EHMT1: variants seen among roughly 807,000 people sequenced by gnomAD.
EHMT1 encodes the protein euchromatic histone lysine methyltransferase 1.
In EHMT1, 15 loss-of-function variants were observed where a neutral mutation model predicts 147.2. That is an observed-to-expected ratio of 0.10 (90% CI 0.07 to 0.16). The LOEUF is 0.16. EHMT1 is among the 10% of genes least tolerant of loss of function. The pLI is 1.00. For synonymous variants in EHMT1, 795 were observed against 709.6 expected (o/e 1.12, Z -1.91); for missense variants, 1,587 against 1,772.4 (o/e 0.90, Z 1.88).
intron 1 of EHMT1, 111 bp downstream of exon 1, chr9:137,619,160 GGCC>G (rs1218790928): frequency 4.8e-6 from 1 of 209,728 alleles, no homozygotes; most frequent in Non-Finnish European, 7.9e-6. Flanking sequence ...GGGCGGGCGG[GGCC>G]CCGGGTCCCC....
rs2133038655 is a variant in EHMT1 at position 137,828,549 on chromosome 9, C to T, written c.3541-5800C>T. Among the ~76,000 whole-genome samples, 1 of 151,350 alleles carries T rather than the reference C, an allele frequency of 6.6e-6. No homozygotes were observed. Among genetic ancestry groups the T allele is most frequent in the African/African-American group, 2.4e-5 (1 of 41,172 alleles). On this transcript the variant is annotated intron_variant, in intron 25 of 26. Coordinates refer to ENST00000460843, the MANE Select transcript of EHMT1 (RefSeq NM_024757.5). This position sits in a 1 kb window ranked among gnomAD's most constrained non-coding sequence, Gnocchi z 5.3. The stretch of plus-strand genomic sequence containing the variant: ...GGTCAGACTGAGAAAGGGGCTCGTC[C>T]TGAGAAGCCACAAAGTGTGCTCCTG...
chr9:137,673,753 T>C (rs1358287566), intron 1 of EHMT1, among the ~76,000 whole-genome samples: 2 of 152,246 alleles, frequency 1.3e-5, no homozygotes, highest in Non-Finnish European at 2.9e-5. Flanking sequence ...TTAAGGCCCG[T>C]CATTTCATGG....
At chr9:137,650,666 CTT>C (rs75230304) in intron 1 of EHMT1, among the ~76,000 whole-genome samples, 20 of 121,556 alleles carry the variant, frequency 1.6e-4, no homozygotes, top group South Asian at 2.7e-4. Flanking sequence ...GGACCCCCCG[CTT>C]TTTTTTTTTT....
chr9:137,686,989 A>G (rs1942508238), intron 1 of EHMT1, among the ~76,000 whole-genome samples: 1 of 152,072 alleles, frequency 6.6e-6, no homozygotes. Flanking sequence ...TCGGCCTCCC[A>G]AAGTGCTGGA....
chr9:137,746,602 A>G (rs1449786218), intron 6 of EHMT1: 2 of 152,242 alleles, frequency 1.3e-5, no homozygotes, highest in South Asian at 2.1e-4. Context: ...TTTGATTCAT[A>G]TAGAATTAAA....
chr9:137,715,455 G>A (rs1945123551), intron 2 of EHMT1: 1 of 839,188 alleles, frequency 1.2e-6, no homozygotes, highest in Non-Finnish European at 1.4e-6. Flanking sequence ...ACGTCCTCGG[G>A]TGGAAGGACA....
chr9:137,689,731 A>G (rs1942773147), intron 1 of EHMT1, among the ~76,000 whole-genome samples: 1 of 152,146 alleles, frequency 6.6e-6, no homozygotes, highest in African/African-American at 2.4e-5. Context: ...CACATAACAG[A>G]TGTACACATT....
At position 137,728,382 on chromosome 9, in the gene EHMT1, G is replaced by A. The variant is rs1554852591; in HGVS notation, c.676G>A (p.Glu226Lys). ...CAGTAAAGATCCCAGAGAAGTTCGAGAAGCTAGAGATCATAAGGAACCAAA... is the reference window on the plus strand; with the variant it reads ...CAGTAAAGATCCCAGAGAAGTTCGAAAAGCTAGAGATCATAAGGAACCAAA... ...AASKDPREVR[E>K]ARDHKEPKEE... Residue 226 changes from glutamate to lysine, a missense_variant, in exon 4 of 27, where the codon GAA becomes AAA. Physicochemically the swap from Glu to Lys is moderately conservative, Grantham distance 56. Transcript: ENST00000460843. The A allele has an allele frequency of 8.7e-6, 14 of 1,614,216 alleles. No individual in the cohort carries two copies. Among genetic ancestry groups the A allele is most frequent in the Non-Finnish European group, 1.2e-5 (14 of 1,180,040 alleles).
At chr9:137,664,108 T>C (rs1189850271) in intron 1 of EHMT1, among the ~76,000 whole-genome samples, 1 of 152,114 alleles carries the variant, frequency 6.6e-6, no homozygotes, top group African/African-American at 2.4e-5. Flanking sequence ...TCTCATTGTG[T>C]GGCCCAGGCT....
chr9:137,831,276 T>A (rs1213975725), intron 25 of EHMT1, among the ~76,000 whole-genome samples: 5 of 152,206 alleles, frequency 3.3e-5, no homozygotes, highest in Non-Finnish European at 7.3e-5. Context: ...TTATTCCTTC[T>A]CTTTTCTTAC....
At chr9:137,686,359 T>TA (rs1397813120) in intron 1 of EHMT1, among the ~76,000 whole-genome samples, 2 of 152,054 alleles carry the variant, frequency 1.3e-5, no homozygotes, top group African/African-American at 4.8e-5. Context: ...TTGTTTTTTT[T>TA]ATCTATTTTG....
Position 137,813,716 on chromosome 9 carries a change from C to T in EHMT1, c.3180+186C>T, listed in dbSNP as rs943411377. Among the ~76,000 whole-genome samples, 2 of 152,208 alleles carry T rather than the reference C, an allele frequency of 1.3e-5. No homozygotes were observed. Among genetic ancestry groups the T allele is most frequent in the Admixed American group, 6.5e-5 (1 of 15,284 alleles). ...GCTGGAAGGCAGATAAAGGTTCTGT[C>T]AGGCCCAGCCCTGGGCCCTCTCATT... On this transcript the variant is annotated intron_variant, in intron 21 of 26. Coordinates refer to ENST00000460843, the MANE Select transcript of EHMT1 (RefSeq NM_024757.5). This position sits in a 1 kb window ranked among gnomAD's most constrained non-coding sequence, Gnocchi z 4.9.
chr9:137,763,020 TAAA>T (rs947929970), intron 10 of EHMT1, 200 bp downstream of exon 10: 7 of 689,778 alleles, frequency 1.0e-5, no homozygotes, highest in Non-Finnish European at 1.8e-5. Context: ...TAGAGCTTGT[TAAA>T]AAGGAGGACT....
chr9:137,798,609 A>G (rs1953162598), intron 16 of EHMT1, among the ~76,000 whole-genome samples: 1 of 152,106 alleles, frequency 6.6e-6, no homozygotes, highest in Non-Finnish European at 1.5e-5. Flanking sequence ...CAGGCGACTG[A>G]CCACTCATGG....
At chr9:137,822,895 GAAAAA>G (rs112878891) in intron 25 of EHMT1, among the ~76,000 whole-genome samples, 3 of 128,100 alleles carry the variant, frequency 2.3e-5, no homozygotes, top group African/African-American at 8.6e-5. Context: ...ACTTCATCTC[GAAAAA>G]AAAAAAAAAG....
At chr9:137,820,327 C>T (rs968624390) in intron 25 of EHMT1, among the ~76,000 whole-genome samples, 3 of 152,246 alleles carry the variant, frequency 2.0e-5, no homozygotes, top group African/African-American at 7.2e-5. Flanking sequence ...GGCTCCTCTG[C>T]TGCGAACTGC....
intron 4 of EHMT1, among the ~76,000 whole-genome samples, chr9:137,728,831 A>G (rs1946849801): frequency 6.6e-6 from 1 of 152,164 alleles, no homozygotes; most frequent in East Asian, 1.9e-4. Flanking sequence ...TGGAGTTGGA[A>G]GCTTTCCTGG....
chr9:137,697,156 T>C, intron 1 of EHMT1: 1 of 368,460 alleles, frequency 2.7e-6, no homozygotes, highest in South Asian at 1.9e-5. Flanking sequence ...TGGCATGCAC[T>C]TGTAATCCCA....
At chr9:137,722,442 GT>G (rs1347350560) in intron 3 of EHMT1, among the ~76,000 whole-genome samples, 14 of 152,266 alleles carry the variant, frequency 9.2e-5, no homozygotes, top group Admixed American at 2.0e-4. Flanking sequence ...TCGGAACCTG[GT>G]TTCCTGAAGA....
Sources: allele counts gnomAD v4.1 joint callset (sites outside exome capture counted in the v4.1 genomes callset), GRCh38; gene constraint gnomAD v4.1.1; non-coding constraint Gnocchi (gnomAD v3.1); transcripts MANE v1.5; gene names NCBI Gene and HGNC (gene_info 2026-07-23, HGNC 2026-07-21).